Variants in SLC5A7 observed in about 807,000 individuals in gnomAD.
SLC5A7 encodes the protein high affinity choline transporter 1.
Under a neutral mutation model 55.4 loss-of-function variants are expected in SLC5A7, and 19 were observed. The observed-to-expected ratio is 0.34, with a 90% CI of 0.24 to 0.50. The LOEUF is 0.50. Ranked by LOEUF, SLC5A7 falls within the 20% of genes least tolerant of loss-of-function variation. The pLI, the probability that SLC5A7 is intolerant of heterozygous loss-of-function variation, is 0.98. For synonymous variants in SLC5A7, 265 were observed against 263.7 expected (o/e 1.00, Z -0.05); for missense variants, 506 against 705.3 (o/e 0.72, Z 3.20).
chr2:108,001,781 CTCTG>C (rs1316914432), intron 5 of SLC5A7, 112 bp from the exon 6 acceptor site: 4 of 1,038,060 alleles, frequency 3.9e-6, no homozygotes, highest in South Asian at 2.0e-5. Flanking sequence ...TCCGATCCTT[CTCTG>C]TCTGAACTAG....
intron 5 of SLC5A7, 52 bp from the exon 6 acceptor site, chr2:108,001,845 T>G: frequency 6.2e-7 from 1 of 1,600,968 alleles, no homozygotes; most frequent in Non-Finnish European, 8.5e-7. Context: ...CTTGCATATA[T>G]CAGACAGTTG....
rs1678254234 is a variant in SLC5A7 at position 108,009,966 on chromosome 2, TTGCCCCTG to T, written c.1114-262_1114-255del. On this transcript the variant is annotated intron_variant, in intron 8 of 8. Transcript: ENST00000264047. ...GACACCATGTTAGCTCATCCTGCCTTTGCCCCTGTGCATTCAGGAAAAGGCTCAGGTGG... is the reference window on the plus strand; with the variant it reads ...GACACCATGTTAGCTCATCCTGCCTTTGCATTCAGGAAAAGGCTCAGGTGG... Among the ~76,000 whole-genome samples, 5 of 152,262 alleles carry T rather than the reference TTGCCCCTG, an allele frequency of 3.3e-5. No homozygotes were observed. The South Asian group carries it at 1.0e-3, about 32-fold the overall frequency.
intron 4 of SLC5A7, among the ~76,000 whole-genome samples, chr2:107,995,504 G>A (rs1312963831): frequency 7.6e-6 from 1 of 132,046 alleles, no homozygotes; most frequent in Non-Finnish European, 1.6e-5. Flanking sequence ...TGTGTGTGAA[G>A]TTACTTACTG....
At chr2:107,998,920 C>T (rs1448115448) in intron 5 of SLC5A7, among the ~76,000 whole-genome samples, 1 of 152,142 alleles carries the variant, frequency 6.6e-6, no homozygotes, top group Non-Finnish European at 1.5e-5. Context: ...TGACACTAGA[C>T]ACTTAGAAAT....
At chr2:108,006,532 G>T (rs1164857998) in intron 7 of SLC5A7, among the ~76,000 whole-genome samples, 3 of 151,498 alleles carry the variant, frequency 2.0e-5, no homozygotes, top group African/African-American at 7.3e-5. Flanking sequence ...CAATTTTTTT[G>T]ATTGCTCACT....
At chr2:108,005,717 T>C (rs912987067) in intron 6 of SLC5A7, among the ~76,000 whole-genome samples, 4 of 152,140 alleles carry the variant, frequency 2.6e-5, no homozygotes, top group African/African-American at 9.7e-5. Context: ...AGGCACCTTC[T>C]TGCTGCCTCC....
At chr2:107,993,981 G>A (rs1234724565) in intron 4 of SLC5A7, among the ~76,000 whole-genome samples, 1 of 152,174 alleles carries the variant, frequency 6.6e-6, no homozygotes, top group Non-Finnish European at 1.5e-5. Context: ...TTCCCCTTCA[G>A]TTTAAATGTC....
chr2:108,008,993 C>G (rs1678218376), intron 8 of SLC5A7, among the ~76,000 whole-genome samples: 1 of 151,734 alleles, frequency 6.6e-6, no homozygotes, highest in African/African-American at 2.4e-5. Flanking sequence ...AACTATTCAG[C>G]AAAACTTTTA....
chr2:107,993,980 A>C (rs372526098), intron 4 of SLC5A7, among the ~76,000 whole-genome samples: 1 of 152,226 alleles, frequency 6.6e-6, no homozygotes, highest in African/African-American at 2.4e-5. Flanking sequence ...TTTCCCCTTC[A>C]GTTTAAATGT....
chr2:108,008,560 T>C lies in SLC5A7; in HGVS notation c.991T>C (p.Tyr331His). 1.2e-6 allele frequency: 2 copies of C among 1,613,630 alleles called. No homozygotes were observed. The highest frequency in any genetic ancestry group is 1.7e-6 in the Non-Finnish European group (2 of 1,179,836). Reference protein sequence around the residue: ...PIVLQYLCPVYISFFGLGAVS... With the variant: ...PIVLQYLCPVHISFFGLGAVS... ...TGTTCTGCAGTATCTCTGCCCTGTG[T>C]ATATTTCTTTCTTTGGTCTTGGTGC... The change falls in exon 8 of 9, where the codon TAT becomes CAT. Residue 331 changes from tyrosine (Y) to histidine (H), a missense_variant. Physicochemically the swap from Tyr to His is moderately conservative, Grantham distance 83. Coordinates refer to ENST00000264047, the MANE Select transcript of SLC5A7 (RefSeq NM_021815.5).
At chr2:107,992,058 T>A (rs746821117) in intron 2 of SLC5A7, 48 bp from the exon 3 acceptor site, 4 of 1,215,438 alleles carry the variant, frequency 3.3e-6, no homozygotes, top group Non-Finnish European at 4.8e-6. Flanking sequence ...CAGATGTAGG[T>A]ATAACAGGTA....
intron 5 of SLC5A7, among the ~76,000 whole-genome samples, chr2:107,999,948 CTA>C (rs1448068704): frequency 6.6e-6 from 1 of 152,150 alleles, no homozygotes; most frequent in Non-Finnish European, 1.5e-5. Flanking sequence ...CCATTCATGT[CTA>C]TGTTATTAAA....
rs146618904 is a variant in SLC5A7 at position 108,006,117 on chromosome 2, T to C, written c.810T>C (p.Ala270=). 5.6e-6 allele frequency: 9 copies of C among 1,614,146 alleles called. No homozygotes were observed. The African/African-American group carries it at 1.2e-4, about 22-fold the overall frequency. ...TCTCTTCTTCCTCAGCCACCTATGC[T>C]CAAGTGCTGTCCTTCCTGGCAGCTT... is the stretch of plus-strand genomic sequence containing the variant. ...RVLSSSSATY[A]QVLSFLAAFG... is the part of the protein sequence containing the mutation. The change falls in exon 7 of 9, where the codon GCT becomes GCC. Residue 270 remains alanine (A), a synonymous_variant. Coordinates refer to ENST00000264047, the MANE Select transcript of SLC5A7 (RefSeq NM_021815.5).
chr2:108,010,339 C>T lies in SLC5A7; in HGVS notation c.1221C>T (p.Tyr407=). The part of the protein sequence containing the change: ...LLTKTVYGLW[Y]LSSDLVYIVI... ...CGAAAACTGTGTATGGGCTCTGGTA[C>T]CTCAGTTCTGACCTTGTTTACATCG... The change falls in exon 9 of 9, where the codon TAC becomes TAT. Residue 407 remains tyrosine, a synonymous_variant. Coordinates refer to ENST00000264047, the MANE Select transcript of SLC5A7 (RefSeq NM_021815.5). The T allele has an allele frequency of 6.2e-7, 1 of 1,613,906 alleles. No individual in the cohort carries two copies. Among genetic ancestry groups the T allele is most frequent in the Non-Finnish European group, 8.5e-7 (1 of 1,179,918 alleles).
chr2:108,007,204 C>A (rs953109482), intron 7 of SLC5A7, among the ~76,000 whole-genome samples: 12 of 151,936 alleles, frequency 7.9e-5, no homozygotes, highest in African/African-American at 2.4e-4. Flanking sequence ...TAAAGTTCAC[C>A]TTTTGTCCTG....
chr2:108,007,264 C>T (rs948392301), intron 7 of SLC5A7, among the ~76,000 whole-genome samples: 1 of 152,076 alleles, frequency 6.6e-6, no homozygotes, highest in Non-Finnish European at 1.5e-5. Context: ...GCAACTTTGA[C>T]TTTCGATTAG....
rs756340917 is a variant in SLC5A7, at chr2:108,006,195, A to C, written c.888A>C (p.Ala296=). ...CCATACTCATTGGGGCCATTGGAGC[A>C]TCAACAGGTAAATCTCTTGCAGCTT... The part of the protein sequence containing the change: ...IPAILIGAIG[A]STDWNQTAYG... Residue 296 remains alanine (A), a synonymous_variant, in exon 7 of 9, where the codon GCA becomes GCC. Transcript: ENST00000264047. The C allele has an allele frequency of 6.2e-7, 1 of 1,613,952 alleles. No individual in the cohort carries two copies. Among genetic ancestry groups the C allele is most frequent in the Non-Finnish European group, 8.5e-7 (1 of 1,179,966 alleles).
intron 5 of SLC5A7, among the ~76,000 whole-genome samples, chr2:108,000,184 A>T (rs2104359291): frequency 6.6e-6 from 1 of 152,026 alleles, no homozygotes; most frequent in Non-Finnish European, 1.5e-5. Flanking sequence ...CACCCCATTT[A>T]TTCTTCTCCT....
chr2:107,992,011 G>T, intron 2 of SLC5A7, 95 bp from the exon 3 acceptor site: 1 of 617,790 alleles, frequency 1.6e-6, no homozygotes, highest in Non-Finnish European at 2.9e-6. Context: ...CACATTTCAG[G>T]TGCTCAGTAA....
Sources: allele counts gnomAD v4.1 joint callset (sites outside exome capture counted in the v4.1 genomes callset), GRCh38; gene constraint gnomAD v4.1.1; transcripts MANE v1.5; gene names NCBI Gene and HGNC (gene_info 2026-07-23, HGNC 2026-07-21).